TBC1D5: variants seen among roughly 807,000 people sequenced by gnomAD.
The protein encoded by TBC1D5 is TBC1 domain family, member 5.
TBC1D5 carries 75 observed loss-of-function variants against 100.3 expected under a neutral mutation model. That is an observed-to-expected ratio of 0.75 (90% CI 0.62 to 0.91). TBC1D5 has a LOEUF of 0.91. Ranked by LOEUF, TBC1D5 falls within the 40% of genes least tolerant of loss-of-function variation. TBC1D5 has a pLI of 0.00. For synonymous variants in TBC1D5, 323 were observed against 325.6 expected, an observed-to-expected ratio of 0.99 and a Z score of 0.09; for missense variants, 910 against 942.4, an observed-to-expected ratio of 0.97 and a Z score of 0.45.
intron 14 of TBC1D5, among the ~76,000 whole-genome samples, chr3:17,303,833 CTTTTTTTTTTTTTT>C (rs140988557): frequency 4.7e-5 from 4 of 84,486 alleles, no homozygotes; most frequent in East Asian, 6.7e-4. Flanking sequence ...CAATCTACCT[CTTTTTTTTTTTTTT>C]TTTTTTTTTT....
chr3:17,238,713 TC>T (rs1317223912), intron 16 of TBC1D5, among the ~76,000 whole-genome samples: 1 of 152,180 alleles, frequency 6.6e-6, no homozygotes, highest in Non-Finnish European at 1.5e-5. Flanking sequence ...ACAGTTCCCT[TC>T]CTGGAACTTC....
chr3:17,350,629 T>G (rs186752120), intron 13 of TBC1D5, among the ~76,000 whole-genome samples: 201 of 152,278 alleles, frequency 1.3e-3, no homozygotes, highest in Non-Finnish European at 2.0e-3. Context: ...ACATTTGCAT[T>G]AACAAATCAT....
At chr3:17,167,849 T>C (rs758170106) in intron 19 of TBC1D5, 21 bp from the exon 21 acceptor site, 3 of 1,548,576 alleles carry the variant, frequency 1.9e-6, no homozygotes, top group South Asian at 2.3e-5. Context: ...AAGAATGACA[T>C]TTTATAACCA....
chr3:17,291,945 C>G, exon 15 of TBC1D5: 1 of 1,613,752 alleles, frequency 6.2e-7, no homozygotes, highest in Non-Finnish European at 8.5e-7. Flanking sequence ...TGTACATCCC[C>G]GATGAATGGG....
intron 15 of TBC1D5, among the ~76,000 whole-genome samples, chr3:17,276,028 C>T (rs1378436466): frequency 6.6e-6 from 1 of 152,134 alleles, no homozygotes; most frequent in Non-Finnish European, 1.5e-5. Flanking sequence ...AATGATGTGG[C>T]CTCCCATGTC....
chr3:17,308,140 A>G lies in TBC1D5; in HGVS notation c.996-6T>C, dbSNP rs374459066. The G allele has an allele frequency of 7.7e-6, 12 of 1,567,914 alleles. No individual in the cohort carries two copies. In the African/African-American group the frequency reaches 1.7e-4, roughly 22 times the overall value. On this transcript the variant is annotated splice_polypyrimidine_tract_variant and splice_region_variant and intron_variant, in intron 13 of 21. Transcript: ENST00000253692. ...ATAGCAGCCGCACCCACCTTCTGGA[A>G]AGAAACAAAACAAAAATTCAGAAGA...
chr3:17,612,816 G>GA (rs967551503), intron 2 of TBC1D5, among the ~76,000 whole-genome samples: 146 of 134,254 alleles, frequency 1.1e-3, no homozygotes, highest in African/African-American at 3.4e-3. Context: ...AAATGAACAC[G>GA]AAAAAAAAAC....
intron 19 of TBC1D5, among the ~76,000 whole-genome samples, chr3:17,184,139 T>C (rs1351949404): frequency 1.3e-5 from 2 of 152,202 alleles, no homozygotes; most frequent in African/African-American, 4.8e-5. Flanking sequence ...GATTCATACA[T>C]GAGTCAGCAT....
chr3:17,428,520 C>A lies in TBC1D5; in HGVS notation c.98-1G>T. ...CTTCTTCCATTTTTATTTGAATCTC[C>A]TGGAGAAAAAAATTACGACACTGAA... On this transcript the variant is annotated splice_acceptor_variant, in intron 3 of 21. Coordinates refer to ENST00000253692, the Ensembl canonical transcript of TBC1D5. LOFTEE classifies it high-confidence loss of function. The A allele has an allele frequency of 6.7e-7, 1 of 1,481,678 alleles. No homozygotes were observed. The highest frequency in any genetic ancestry group is 1.4e-5 in the South Asian group (1 of 72,252). 91.8% of individuals were successfully genotyped at this position (1,481,678 alleles called of 1,614,324 possible).
intron 13 of TBC1D5, among the ~76,000 whole-genome samples, chr3:17,333,666 AG>A (rs2087215884): frequency 6.6e-6 from 1 of 152,110 alleles, no homozygotes; most frequent in Non-Finnish European, 1.5e-5. Flanking sequence ...GGGAATACTG[AG>A]GAAGTTCTAT....
chr3:17,706,148 G>A, intron 1 of TBC1D5: 1 of 1,591,092 alleles, frequency 6.3e-7, no homozygotes, highest in Non-Finnish European at 8.5e-7. Context: ...AAAGGCTGCA[G>A]TTGATGGGGG....
chr3:17,189,441 C>T (rs1448042884), intron 18 of TBC1D5, among the ~76,000 whole-genome samples: 1 of 152,128 alleles, frequency 6.6e-6, no homozygotes. Context: ...TGCAACATCA[C>T]CAATTGTAAT....
intron 4 of TBC1D5, among the ~76,000 whole-genome samples, chr3:17,425,995 C>G (rs1357564371): frequency 6.6e-6 from 1 of 151,306 alleles, no homozygotes; most frequent in Non-Finnish European, 1.5e-5. Flanking sequence ...AAATCTTAAC[C>G]CTAGACACAA....
intron 17 of TBC1D5, 83 bp downstream of exon 18, chr3:17,233,602 A>G: frequency 1.2e-6 from 1 of 805,916 alleles, no homozygotes; most frequent in East Asian, 2.8e-5. Context: ...GGGTGGGCAA[A>G]AAGAAAAATG....
At chr3:17,227,501 C>T (rs1227424161) in intron 17 of TBC1D5, among the ~76,000 whole-genome samples, 1 of 151,954 alleles carries the variant, frequency 6.6e-6, no homozygotes, top group Non-Finnish European at 1.5e-5. Flanking sequence ...CCATTATACA[C>T]CATGGAATTC....
At chr3:17,488,828 C>T (rs997644118) in intron 3 of TBC1D5, among the ~76,000 whole-genome samples, 17 of 151,640 alleles carry the variant, frequency 1.1e-4, no homozygotes, top group African/African-American at 2.2e-4. Flanking sequence ...GAGTGGTGGG[C>T]GAGCATGCAT....
intron 19 of TBC1D5, among the ~76,000 whole-genome samples, chr3:17,176,183 T>C (rs1333867283): frequency 1.3e-5 from 2 of 152,154 alleles, no homozygotes; most frequent in Admixed American, 6.6e-5. Flanking sequence ...AGTCACAATT[T>C]CCTCCACTGT....
intron 3 of TBC1D5, among the ~76,000 whole-genome samples, chr3:17,493,840 A>T (rs958778605): frequency 1.2e-4 from 18 of 152,166 alleles, no homozygotes; most frequent in African/African-American, 4.3e-4. Context: ...ATTTTATCAT[A>T]GTTCTTAGCT....
At chr3:17,705,569 G>T (rs1343666876) in intron 1 of TBC1D5, among the ~76,000 whole-genome samples, 2 of 141,508 alleles carry the variant, frequency 1.4e-5, no homozygotes, top group Admixed American at 6.9e-5. Flanking sequence ...CCTCCCAGAC[G>T]GGGTCTCGGC....
Sources: gnomAD v4.1 joint callset for allele counts (sites outside exome capture counted in the v4.1 genomes callset) on GRCh38, gnomAD v4.1.1 for gene constraint, MANE v1.5 for transcripts, NCBI Gene and HGNC (gene_info 2026-07-23, HGNC 2026-07-21) for gene names.